SLF2: variants seen among roughly 807,000 people sequenced by gnomAD.
The protein encoded by SLF2 is SMC5/6 complex localization factor 2, also known as SMC5-SMC6 complex localization factor protein 2.
SLF2 carries 68 observed loss-of-function variants against 124.3 expected under a neutral mutation model. The ratio of observed to expected loss-of-function variants is 0.55; its 90% CI spans 0.45 to 0.67. SLF2 has a LOEUF of 0.67. SLF2 is among the 30% of genes least tolerant of loss of function. The probability of loss-of-function intolerance (pLI) is 0.00; values close to 1 mark genes in which losing one functional copy is unlikely to be tolerated. For synonymous variants in SLF2, 480 were observed against 478.8 expected, an observed-to-expected ratio of 1.00 and a Z score of -0.03; for missense variants, 1,246 against 1,373.7, an observed-to-expected ratio of 0.91 and a Z score of 1.47.
intron 17 of SLF2, 144 bp from the exon 18 acceptor site, chr10:100,956,307 A>G (rs563947873): frequency 3.4e-6 from 2 of 591,832 alleles, no homozygotes; most frequent in East Asian, 2.8e-5. Flanking sequence ...TGATACAACT[A>G]CTGTTACGTT....
In SLF2 at chr10:100,924,453, C is replaced by G. The variant is rs186066799; in HGVS notation, c.1452C>G (p.Ser484=). 6.2e-7 allele frequency: 1 copy of G among 1,614,156 alleles called. No individual in the cohort carries two copies. Among genetic ancestry groups the G allele is most frequent in the Admixed American group, 1.7e-5 (1 of 60,024 alleles). Reference sequence around the variant, plus strand: ...TTTCCCGTGTTCCAAGTGCTGGTTCCTCTCTAGTACCATTAAATGCTAAAA... The same window carrying G: ...TTTCCCGTGTTCCAAGTGCTGGTTCGTCTCTAGTACCATTAAATGCTAAAA... ...PLLSRVPSAG[S]SLVPLNAKNC... The change falls in exon 5 of 20, where the codon TCC becomes TCG. Residue 484 remains serine (S), a synonymous_variant. Transcript: ENST00000238961.
chr10:100,936,571 G>A (rs1488717232), intron 9 of SLF2, among the ~76,000 whole-genome samples: 4 of 151,784 alleles, frequency 2.6e-5, no homozygotes, highest in Admixed American at 6.6e-5. Flanking sequence ...TCCTGACCTC[G>A]TGATCCGCCT....
At chr10:100,932,067 T>C (rs181526290) in intron 9 of SLF2, among the ~76,000 whole-genome samples, 101 of 152,230 alleles carry the variant, frequency 6.6e-4, no homozygotes, top group Non-Finnish European at 1.1e-3. Flanking sequence ...TATCAACAAG[T>C]ACTATAGTAA....
At chr10:100,913,528 T>A (rs1310517305) in intron 1 of SLF2, 8 of 1,251,816 alleles carry the variant, frequency 6.4e-6, no homozygotes, top group Non-Finnish European at 8.0e-6. Flanking sequence ...TTTTTTCCTT[T>A]GCAAGAGTTT....
chr10:100,912,966 T>C lies in SLF2; in HGVS notation c.-145T>C. 1 of 839,244 alleles carries C rather than the reference T, an allele frequency of 1.2e-6. No individual in the cohort carries two copies. Among genetic ancestry groups the C allele is most frequent in the Non-Finnish European group, 1.8e-6 (1 of 554,348 alleles). The allele number at this position is 839,244 out of a possible 1,614,324, so 52.0% of individuals were successfully genotyped here. On this transcript the variant is annotated 5_prime_UTR_variant, in exon 1 of 20. Transcript: ENST00000238961. ...CCTTCCCGCTCACGCCGGAGTCACT[T>C]CCGAAGAGAGAACCGCCATGAAGAG...
chr10:100,947,782 C>G lies in SLF2; in HGVS notation c.3055C>G (p.Leu1019Val). The change falls in exon 15 of 20, where the codon CTA becomes GTA. Residue 1019 changes from leucine (L) to valine (V), a missense_variant. Leu to Val is a conservative substitution (Grantham distance 32, BLOSUM62 1). Around this residue, in one of 3 missense-constraint regions of SLF2, gnomAD observed 535 missense variants for 632.8 expected, o/e 0.85. Transcript: ENST00000238961. ...RGRQLRQCLS[L>V]VIISKLLDEK... ...TAGGCAACTGAGACAGTGCCTCAGT[C>G]TAGTGATTATTTCAAAGCTTTTGGA... 2 of 1,611,120 alleles carry G rather than the reference C, an allele frequency of 1.2e-6. No homozygotes were observed. Among genetic ancestry groups the G allele is most frequent in the South Asian group, 2.2e-5 (2 of 90,742 alleles).
chr10:100,960,407 A>G (rs1436059538), intron 19 of SLF2, among the ~76,000 whole-genome samples: 2 of 152,220 alleles, frequency 1.3e-5, no homozygotes, highest in African/African-American at 4.8e-5. Flanking sequence ...GAGGTTTCTA[A>G]TTTCTCCATA....
intron 13 of SLF2, 35 bp downstream of exon 13, chr10:100,945,541 A>G: frequency 6.8e-7 from 1 of 1,465,484 alleles, no homozygotes; most frequent in Non-Finnish European, 9.0e-7. Context: ...TTCATTTTTT[A>G]TATAGCATTA....
intron 18 of SLF2, 51 bp downstream of exon 18, chr10:100,956,588 G>T (rs150448109): frequency 4.4e-6 from 6 of 1,371,706 alleles, no homozygotes; most frequent in East Asian, 2.3e-5. Context: ...TCTTGGTTAC[G>T]TTAATATTTA....
chr10:100,964,897 A>G lies in SLF2; in HGVS notation c.*2985A>G, dbSNP rs182790946. 3 of 152,568 alleles carry G rather than the reference A, an allele frequency of 2.0e-5. No homozygotes were observed. In the East Asian group the frequency reaches 5.8e-4, roughly 29 times the overall value. The allele number at this position is 152,568 out of a possible 1,614,324, so 9.5% of individuals were successfully genotyped here. A position where few individuals can be genotyped will look rare whatever the true frequency, so the allele number is the denominator to read the frequency against. On this transcript the variant is annotated 3_prime_UTR_variant, in exon 20 of 20. Coordinates refer to ENST00000238961, the MANE Select transcript of SLF2 (RefSeq NM_018121.4). ...GTCCAGGCGGCGGGGCACGTAGAGC[A>G]GTTAGCATGATCCATGGTTATTCCT...
Position 100,916,938 on chromosome 10 carries a change from A to G in SLF2, c.553A>G (p.Lys185Glu). ...KSLFIHENNEKNDRDRGKTNA... is the reference protein window; with the variant it reads ...KSLFIHENNEENDRDRGKTNA... ...ACTATTCATTCATGAAAATAATGAG[A>G]AGAATGATAGAGATCGAGGCAAAAC... is the stretch of plus-strand genomic sequence containing the variant. Residue 185 changes from lysine (K) to glutamate (E), a missense_variant, in exon 3 of 20, where the codon AAG (lysine) becomes GAG (glutamate). By Grantham distance (56) the Lys-to-Glu change is moderately conservative. Coordinates refer to ENST00000238961, the MANE Select transcript of SLF2 (RefSeq NM_018121.4). The G allele has an allele frequency of 6.2e-7, 1 of 1,614,210 alleles. No homozygotes were observed. The highest frequency in any genetic ancestry group is 8.5e-7 in the Non-Finnish European group (1 of 1,180,038).
chr10:100,941,979 G>T (rs193141785), intron 11 of SLF2, among the ~76,000 whole-genome samples: 2 of 152,272 alleles, frequency 1.3e-5, no homozygotes, highest in East Asian at 3.9e-4. Flanking sequence ...AAAGGAAGCT[G>T]CAAAGGTATG....
chr10:100,956,098 A>G (rs534810916), intron 17 of SLF2, among the ~76,000 whole-genome samples: 1 of 150,190 alleles, frequency 6.7e-6, no homozygotes, highest in African/African-American at 2.5e-5. Context: ...TTTTTTTTTT[A>G]AAAGGCTAGC....
intron 11 of SLF2, among the ~76,000 whole-genome samples, chr10:100,939,095 C>T (rs964653639): frequency 6.6e-6 from 1 of 152,146 alleles, no homozygotes; most frequent in Admixed American, 6.5e-5. Context: ...GTGAGTTAAT[C>T]TAGACATAGA....
intron 3 of SLF2, among the ~76,000 whole-genome samples, chr10:100,917,565 T>C (rs771608328): frequency 6.6e-5 from 10 of 152,128 alleles, no homozygotes; most frequent in Non-Finnish European, 1.5e-4. Flanking sequence ...TTCTTTTTTT[T>C]TAAGGCAAGT....
intron 12 of SLF2, 86 bp downstream of exon 12, chr10:100,944,214 G>A (rs1171177536): frequency 2.4e-5 from 21 of 864,160 alleles, no homozygotes; most frequent in South Asian, 1.4e-4. Context: ...AAAAAGTCTC[G>A]GCCGGGCGCG....
intron 17 of SLF2, among the ~76,000 whole-genome samples, chr10:100,952,021 A>G (rs1324878544): frequency 6.6e-6 from 1 of 152,112 alleles, no homozygotes; most frequent in East Asian, 1.9e-4. Context: ...CGGTGGGTGG[A>G]TCACTTGAGG....
rs1850435509 is a variant in SLF2 at position 100,962,057 on chromosome 10, G to A, written c.*145G>A. Reference sequence around the variant, plus strand: ...CACTTGAATATCTAGTATGAAGCTGGTAATGAAGAAATTGCCATTTCTGAA... The same window carrying A: ...CACTTGAATATCTAGTATGAAGCTGATAATGAAGAAATTGCCATTTCTGAA... On this transcript the variant is annotated 3_prime_UTR_variant, in exon 20 of 20. Coordinates refer to ENST00000238961, the MANE Select transcript of SLF2 (RefSeq NM_018121.4). 1.5e-6 allele frequency: 1 copy of A among 684,756 alleles called. No individual in the cohort carries two copies. Among genetic ancestry groups the A allele is most frequent in the Non-Finnish European group, 2.3e-6 (1 of 428,920 alleles). 42.4% of individuals were successfully genotyped at this position (684,756 alleles called of 1,614,324 possible).
intron 17 of SLF2, among the ~76,000 whole-genome samples, chr10:100,951,752 C>A (rs190848549): frequency 2.4e-4 from 36 of 152,324 alleles, no homozygotes; most frequent in Admixed American, 4.6e-4. Flanking sequence ...CTTCCCATTT[C>A]TTTGCCATTC....
Sources: gnomAD v4.1 joint callset for allele counts (sites outside exome capture counted in the v4.1 genomes callset) on GRCh38, gnomAD v4.1.1 for gene constraint, gnomAD v4.1.1 regional missense constraint, MANE v1.5 for transcripts, NCBI Gene and HGNC (gene_info 2026-07-23, HGNC 2026-07-21) for gene names.